The following GIGYF2 variants were observed in gnomAD, a reference collection of about 807,000 sequenced individuals.
GIGYF2 encodes the protein GRB10-interacting GYF protein 2.
A neutral mutation model predicts 208.1 loss-of-function variants in GIGYF2; 25 were observed. The observed-to-expected ratio is 0.12, with a 90% confidence interval of 0.09 to 0.17. The LOEUF (loss-of-function observed/expected upper bound fraction) is 0.17, where lower values mean the gene tolerates loss of function less well. Ranked by LOEUF, GIGYF2 falls within the 10% of genes least tolerant of loss-of-function variation. The pLI is 1.00. For synonymous variants in GIGYF2, 534 were observed against 543.8 expected (o/e 0.98, Z 0.25); for missense variants, 1,302 against 1,579.4 (o/e 0.82, Z 2.98).
At chr2:232,800,869 A>G (rs191586491) in intron 14 of GIGYF2, among the ~76,000 whole-genome samples, 150 of 152,194 alleles carry the variant, frequency 9.9e-4, no homozygotes, top group African/African-American at 3.5e-3. Flanking sequence ...TGGGCAACAT[A>G]GTGAGACCCT....
At chr2:232,746,176 T>TAA (rs938239883) in intron 3 of GIGYF2, among the ~76,000 whole-genome samples, 1 of 144,806 alleles carries the variant, frequency 6.9e-6, no homozygotes, top group African/African-American at 2.5e-5. Flanking sequence ...CCACAATAAG[T>TAA]AAAAAAAAAA....
chr2:232,816,047 A>C (rs1378848739), intron 19 of GIGYF2: 3 of 367,476 alleles, frequency 8.2e-6, no homozygotes, highest in Non-Finnish European at 1.5e-5. Flanking sequence ...ATGTGAGAAA[A>C]TATCCACTAC....
intron 1 of GIGYF2, among the ~76,000 whole-genome samples, chr2:232,701,497 A>G (rs1695842056): frequency 6.6e-6 from 1 of 150,528 alleles, no homozygotes; most frequent in Non-Finnish European, 1.5e-5. Context: ...CGGTGCAATC[A>G]CCACTGACTG....
intron 8 of GIGYF2, chr2:232,768,864 A>G (rs373674195): frequency 3.3e-5 from 48 of 1,473,086 alleles, no homozygotes; most frequent in Non-Finnish European, 4.1e-5. Context: ...TTAAATATCA[A>G]TACTTTTTCT....
At chr2:232,791,972 C>T (rs1700081803) in intron 12 of GIGYF2, among the ~76,000 whole-genome samples, 1 of 152,096 alleles carries the variant, frequency 6.6e-6, no homozygotes, top group Non-Finnish European at 1.5e-5. Context: ...TGCTCATTTC[C>T]ATGTTTCTTC....
At chr2:232,722,841 A>G (rs138467048) in intron 2 of GIGYF2, among the ~76,000 whole-genome samples, 16 of 152,182 alleles carry the variant, frequency 1.1e-4, no homozygotes, top group Admixed American at 2.0e-4. Context: ...GCAGCTATCA[A>G]TTTCTTTAGT....
chr2:232,847,929 A>G (rs1702076520), intron 27 of GIGYF2, among the ~76,000 whole-genome samples: 1 of 152,210 alleles, frequency 6.6e-6, no homozygotes. Flanking sequence ...TGTATTGAGT[A>G]CTGACAACAC....
At chr2:232,807,338 G>A (rs1369902982) in intron 15 of GIGYF2, among the ~76,000 whole-genome samples, 1 of 152,052 alleles carries the variant, frequency 6.6e-6, no homozygotes, top group Non-Finnish European at 1.5e-5. Flanking sequence ...AAATCACCCT[G>A]GACAACGAAG....
At chr2:232,781,856 C>T (rs185151110) in intron 8 of GIGYF2, among the ~76,000 whole-genome samples, 192 of 152,244 alleles carry the variant, frequency 1.3e-3, no homozygotes, top group Admixed American at 2.9e-3. Flanking sequence ...TGCCTAGGTT[C>T]TGTTTCTGAT....
chr2:232,772,409 TTAAAAG>T (rs1699304704), intron 8 of GIGYF2, among the ~76,000 whole-genome samples: 1 of 152,172 alleles, frequency 6.6e-6, no homozygotes, highest in Non-Finnish European at 1.5e-5. Flanking sequence ...AGCATTAGCT[TTAAAAG>T]TAAGTAAACT....
chr2:232,856,286 G>T (rs1690568126), intron 28 of GIGYF2, among the ~76,000 whole-genome samples: 1 of 152,016 alleles, frequency 6.6e-6, no homozygotes, highest in South Asian at 2.1e-4. Flanking sequence ...TCCTAATTAG[G>T]TTATATCAGA....
intron 3 of GIGYF2, among the ~76,000 whole-genome samples, chr2:232,745,446 C>T (rs1698116633): frequency 6.6e-6 from 1 of 152,078 alleles, no homozygotes; most frequent in South Asian, 2.1e-4. Context: ...GTCTCCCACT[C>T]TTCAAAGATG....
chr2:232,700,004 A>G (rs1486471423), intron 1 of GIGYF2, among the ~76,000 whole-genome samples: 2 of 152,186 alleles, frequency 1.3e-5, no homozygotes, highest in African/African-American at 4.8e-5. Context: ...TTATCTCCAT[A>G]TTCTTTTTAC....
At chr2:232,733,074 G>A (rs1313969930) in intron 2 of GIGYF2, among the ~76,000 whole-genome samples, 1 of 152,092 alleles carries the variant, frequency 6.6e-6, no homozygotes, top group African/African-American at 2.4e-5. Context: ...GGCTAACATG[G>A]TGAAACCTTG....
At chr2:232,712,845 T>C (rs1014429281) in intron 2 of GIGYF2, among the ~76,000 whole-genome samples, 18 of 152,178 alleles carry the variant, frequency 1.2e-4, no homozygotes, top group African/African-American at 4.3e-4. Context: ...TGTTTGAAAT[T>C]GGAATAAACA....
At position 232,710,138 on chromosome 2, in the gene GIGYF2, T is replaced by A. The variant is rs186366519; in HGVS notation, c.-44+6649T>A. Among the ~76,000 whole-genome samples, 219 of 151,886 alleles carry A rather than the reference T, an allele frequency of 1.4e-3. 1 individual carries two copies. Among genetic ancestry groups the A allele is most frequent in the African/African-American group, 5.0e-3 (208 of 41,428 alleles). ...CCATGCCCAGCTAATTTTTTGTATT[T>A]TTAGTAGAGATGGGGTTTTACCATG... On this transcript the variant is annotated intron_variant, in intron 2 of 28. Transcript: ENST00000373563.
At chr2:232,715,264 A>T (rs1696627240) in intron 2 of GIGYF2, among the ~76,000 whole-genome samples, 1 of 152,192 alleles carries the variant, frequency 6.6e-6, no homozygotes, top group Admixed American at 6.5e-5. Context: ...AACATTATTT[A>T]TGAACATTTG....
chr2:232,747,813 A>T, intron 4 of GIGYF2, 69 bp downstream of exon 4: 2 of 1,404,734 alleles, frequency 1.4e-6, no homozygotes, highest in East Asian at 4.6e-5. Context: ...ATGTACTGAT[A>T]CATGAAAACT....
At chr2:232,717,067 G>C (rs1482519332) in intron 2 of GIGYF2, among the ~76,000 whole-genome samples, 8 of 152,014 alleles carry the variant, frequency 5.3e-5, no homozygotes, top group African/African-American at 1.9e-4. Context: ...AGCTGCCTCG[G>C]CTTCCCAAAG....
Sources: gnomAD v4.1 joint callset for allele counts (sites outside exome capture counted in the v4.1 genomes callset) on GRCh38, gnomAD v4.1.1 for gene constraint, MANE v1.5 for transcripts, NCBI Gene and HGNC (gene_info 2026-07-23, HGNC 2026-07-21) for gene names.